Variants in DNAJC27 observed in about 807,000 individuals in gnomAD.
DNAJC27 encodes dnaJ homolog subfamily C member 27.
Under a neutral mutation model 31.4 loss-of-function variants are expected in DNAJC27, and 25 were observed. That is an observed-to-expected ratio of 0.80 (90% confidence interval 0.58 to 1.11). The LOEUF (loss-of-function observed/expected upper bound fraction) is 1.11, where lower values mean the gene tolerates loss of function less well. DNAJC27 is among the 50% of genes most tolerant of loss of function. The pLI is 0.00. For missense variants in DNAJC27, 356 were observed against 347.3 expected (o/e 1.02, Z -0.20); for synonymous variants, 106 against 112.7 (o/e 0.94, Z 0.37).
chr2:24,972,003 G>C (rs1032897280), upstream of DNAJC27: 5 of 871,030 alleles, frequency 5.7e-6, no homozygotes, highest in Non-Finnish European at 8.1e-6. Flanking sequence ...CGCTGCTCTC[G>C]TCACCGCCTC....
intron 5 of DNAJC27, among the ~76,000 whole-genome samples, chr2:24,954,454 T>A (rs924882670): frequency 6.6e-6 from 1 of 152,168 alleles, no homozygotes; most frequent in Admixed American, 6.5e-5. Flanking sequence ...GCTGACAAGA[T>A]CTGCAAAAGA....
chr2:24,953,924 G>A (rs768106387), intron 5 of DNAJC27, among the ~76,000 whole-genome samples: 1 of 152,012 alleles, frequency 6.6e-6, no homozygotes. Context: ...AACTACTATC[G>A]AACTGGAAAA....
intron 3 of DNAJC27, among the ~76,000 whole-genome samples, chr2:24,960,556 G>A (rs567020286): frequency 7.3e-4 from 111 of 152,276 alleles, no homozygotes; most frequent in African/African-American, 2.6e-3. Flanking sequence ...GTACCAAACA[G>A]CTAGCCAAGT....
chr2:24,958,017 T>G (rs1477009163), intron 3 of DNAJC27, 43 bp from the exon 4 acceptor site: 3 of 1,579,420 alleles, frequency 1.9e-6, no homozygotes, highest in Admixed American at 3.5e-5. Flanking sequence ...GTTTTTGTGA[T>G]GTTATAAGAA....
chr2:24,967,076 C>G, intron 2 of DNAJC27, 135 bp downstream of exon 2: 2 of 680,900 alleles, frequency 2.9e-6, no homozygotes, highest in Non-Finnish European at 5.2e-6. Context: ...GTCTACTATT[C>G]CTATCTTTCC....
At position 24,943,722 on chromosome 2, in the gene DNAJC27, T is replaced by A. The variant is rs1573103420; in HGVS notation, c.*3894A>T. On this transcript the variant is annotated 3_prime_UTR_variant, in exon 7 of 7. Coordinates refer to ENST00000264711, the MANE Select transcript of DNAJC27 (RefSeq NM_016544.3). Reference sequence around the variant, plus strand: ...TGTTTACAAGACATAAACTGGTAGATTTAACATTTTCAGTTATTTCAACAG... The same window carrying A: ...TGTTTACAAGACATAAACTGGTAGAATTAACATTTTCAGTTATTTCAACAG... The A allele has an allele frequency of 6.6e-6, 1 of 152,664 alleles. No homozygotes were observed. The highest frequency in any genetic ancestry group is 1.5e-5 in the Non-Finnish European group (1 of 68,044). The allele number at this position is 152,664 out of a possible 1,614,324, so 9.5% of individuals were successfully genotyped here. A position where few individuals can be genotyped will look rare whatever the true frequency, so the allele number is the denominator to read the frequency against.
chr2:24,967,093 A>G, intron 2 of DNAJC27, 118 bp downstream of exon 2: 1 of 738,950 alleles, frequency 1.4e-6, no homozygotes, highest in Non-Finnish European at 2.3e-6. Flanking sequence ...TTCCCAACTT[A>G]TCTTCAAAGT....
chr2:24,967,557 G>A (rs1341920189), intron 1 of DNAJC27, among the ~76,000 whole-genome samples: 1 of 152,030 alleles, frequency 6.6e-6, no homozygotes, highest in Non-Finnish European at 1.5e-5. Flanking sequence ...AAAATCAGCC[G>A]GGCATGGTGG....
chr2:24,970,526 G>C (rs1371314125), intron 1 of DNAJC27, among the ~76,000 whole-genome samples: 4 of 147,276 alleles, frequency 2.7e-5, no homozygotes, highest in Non-Finnish European at 5.9e-5. Context: ...GTGCAATGGC[G>C]TGATCTCGGC....
chr2:24,951,639 A>C, intron 5 of DNAJC27, 85 bp from the exon 6 acceptor site: 1 of 1,242,820 alleles, frequency 8.0e-7, no homozygotes, highest in Non-Finnish European at 1.1e-6. Flanking sequence ...AAGACTTTTA[A>C]TATATTCCAG....
intron 6 of DNAJC27, among the ~76,000 whole-genome samples, chr2:24,949,520 C>A (rs531715726): frequency 5.3e-5 from 8 of 152,188 alleles, no homozygotes; most frequent in Non-Finnish European, 1.2e-4. Context: ...ACAGTAAACA[C>A]AGTTAACAGT....
intron 3 of DNAJC27, among the ~76,000 whole-genome samples, chr2:24,962,236 TTTTG>T (rs756671602): frequency 2.6e-5 from 4 of 152,026 alleles, no homozygotes; most frequent in Non-Finnish European, 4.4e-5. Context: ...TTTTTGTGTT[TTTTG>T]TTTGTTTGTT....
chr2:24,966,777 A>G (rs1329286272), intron 2 of DNAJC27, among the ~76,000 whole-genome samples: 1 of 152,164 alleles, frequency 6.6e-6, no homozygotes, highest in African/African-American at 2.4e-5. Flanking sequence ...GGATTCTAAT[A>G]GCTATGAAGA....
intron 2 of DNAJC27, among the ~76,000 whole-genome samples, chr2:24,965,458 G>A (rs1042592057): frequency 5.3e-5 from 8 of 151,966 alleles, no homozygotes; most frequent in East Asian, 2.0e-4. Context: ...GTTTCACCAT[G>A]TTGGCCAGGC....
chr2:24,959,948 C>T (rs1333507616), intron 3 of DNAJC27, among the ~76,000 whole-genome samples: 1 of 152,224 alleles, frequency 6.6e-6, no homozygotes, highest in African/African-American at 2.4e-5. Flanking sequence ...ATGTATCCTC[C>T]CTTGTGTCAC....
chr2:24,967,165 C>G (rs184365801), intron 2 of DNAJC27, 46 bp downstream of exon 2: 1 of 1,479,164 alleles, frequency 6.8e-7, no homozygotes, highest in Non-Finnish European at 9.4e-7. Context: ...TTGGAAAGTT[C>G]TGAACTTCTA....
In DNAJC27 at chr2:24,946,221, AT is replaced by A. The variant is rs2149118644; in HGVS notation, c.*1394del. The A allele has an allele frequency of 6.6e-6, 1 of 152,310 alleles. No individual in the cohort carries two copies. Among genetic ancestry groups the A allele is most frequent in the Admixed American group, 6.5e-5 (1 of 15,302 alleles). 9.4% of individuals were successfully genotyped at this position (152,310 alleles called of 1,614,324 possible). ...GTATTTTGTAAGCTATAGTTTAAAA[AT>A]ATTACTCTTCAGAAATTTGGAGCCC... On this transcript the variant is annotated 3_prime_UTR_variant, in exon 7 of 7. Transcript: ENST00000264711.
rs1025154958 is a variant in DNAJC27, at chr2:24,971,496, C to T, written c.87+322G>A. On this transcript the variant is annotated intron_variant, in intron 1 of 6. Coordinates refer to ENST00000264711, the MANE Select transcript of DNAJC27 (RefSeq NM_016544.3). Reference sequence around the variant, plus strand: ...CCATCTCCCGGTCCCGGACGGCCCCCTAGAACGCGGGCAAGGTATCTAGGC... The same window carrying T: ...CCATCTCCCGGTCCCGGACGGCCCCTTAGAACGCGGGCAAGGTATCTAGGC... The T allele has an allele frequency of 1.7e-4, 37 of 214,704 alleles. 1 individual carries two copies. Among genetic ancestry groups the T allele is most frequent in the African/African-American group, 5.7e-4 (25 of 43,886 alleles). 13.3% of individuals were successfully genotyped at this position (214,704 alleles called of 1,614,324 possible).
intron 2 of DNAJC27, 87 bp downstream of exon 2, chr2:24,967,124 C>T (rs1558557189): frequency 5.0e-6 from 5 of 991,076 alleles, no homozygotes; most frequent in Non-Finnish European, 7.8e-6. Flanking sequence ...AGATTACCTA[C>T]ACAAGAGCAC....
Sources: allele counts gnomAD v4.1 joint callset (sites outside exome capture counted in the v4.1 genomes callset), GRCh38; gene constraint gnomAD v4.1.1; transcripts MANE v1.5; gene names NCBI Gene and HGNC (gene_info 2026-07-23, HGNC 2026-07-21).